ANGPT4: variants seen among roughly 807,000 people sequenced by gnomAD.
The protein encoded by ANGPT4 is angiopoietin-4.
A neutral mutation model predicts 53.0 loss-of-function variants in ANGPT4; 50 were observed. The ratio of observed to expected loss-of-function variants is 0.94; its 90% confidence interval spans 0.75 to 1.20. ANGPT4 has a LOEUF of 1.20. Ranked by LOEUF, ANGPT4 falls within the 50% of genes most tolerant of loss-of-function variation. The probability of loss-of-function intolerance (pLI) is 0.00; values close to 1 mark genes in which losing one functional copy is unlikely to be tolerated. For synonymous variants in ANGPT4, 251 were observed against 259.7 expected (o/e 0.97, Z 0.32); for missense variants, 648 against 637.1 (o/e 1.02, Z -0.18).
chr20:881,135 C>T, intron 5 of ANGPT4, 36 bp downstream of exon 5: 2 of 1,511,600 alleles, frequency 1.3e-6, no homozygotes, highest in Non-Finnish European at 1.8e-6. Context: ...GGCTCAGCAC[C>T]CTCTAACAGC....
At chr20:886,608 T>C (rs1981628975) in intron 3 of ANGPT4, among the ~76,000 whole-genome samples, 1 of 152,248 alleles carries the variant, frequency 6.6e-6, no homozygotes, top group Non-Finnish European at 1.5e-5. Flanking sequence ...CATCCTAGCT[T>C]AGCCTAGACC....
chr20:915,276 G>T (rs944535244), intron 1 of ANGPT4, among the ~76,000 whole-genome samples: 1 of 143,802 alleles, frequency 7.0e-6, no homozygotes, highest in South Asian at 2.2e-4. Context: ...AGACCTCCCC[G>T]CACCCTTGCT....
chr20:915,220 A>T (rs900474733), intron 1 of ANGPT4, among the ~76,000 whole-genome samples: 4 of 144,190 alleles, frequency 2.8e-5, no homozygotes, highest in Non-Finnish European at 5.9e-5. Context: ...AAGTCCTTCC[A>T]GTGGCCCCCC....
At chr20:893,986 T>A (rs1302637821) in intron 1 of ANGPT4, among the ~76,000 whole-genome samples, 1 of 151,898 alleles carries the variant, frequency 6.6e-6, no homozygotes, top group Non-Finnish European at 1.5e-5. Flanking sequence ...ATTCTTTTTT[T>A]TTTTTGCAGT....
chr20:914,179 A>G lies in ANGPT4; in HGVS notation c.309+1727T>C, dbSNP rs1340068984. On this transcript the variant is annotated intron_variant, in intron 1 of 8. Transcript: ENST00000381922. This position sits in a 1 kb window ranked among gnomAD's most constrained non-coding sequence, Gnocchi z 5.0. ...AGGCCCTGGGAACCCAGAAGTGAGC[A>G]AAAGAGACATGGCGCCTGCCCTCTG... Among the ~76,000 whole-genome samples, 1 of 152,190 alleles carries G rather than the reference A, an allele frequency of 6.6e-6. No homozygotes were observed. The highest frequency in any genetic ancestry group is 2.4e-5 in the African/African-American group (1 of 41,440).
At chr20:879,424 G>T (rs1981301815) in intron 6 of ANGPT4, among the ~76,000 whole-genome samples, 1 of 152,118 alleles carries the variant, frequency 6.6e-6, no homozygotes, top group Admixed American at 6.6e-5. Context: ...TTAAAGCAAC[G>T]CAGTCAGGGT....
In ANGPT4 at chr20:899,526, T is replaced by C. The variant is rs184081557; in HGVS notation, c.310-9158A>G. 7.9e-5 allele frequency among the ~76,000 whole-genome samples: 12 copies of C among 152,256 alleles called. No individual in the cohort carries two copies. In the East Asian group the frequency reaches 1.2e-3, roughly 15 times the overall value. On this transcript the variant is annotated intron_variant, in intron 1 of 8. Coordinates refer to ENST00000381922, the MANE Select transcript of ANGPT4 (RefSeq NM_015985.4). Reference sequence around the variant, plus strand: ...CCTCGGCCTCCCAAAGTGCTGGGATTACAGGCATGAACCACCGCCCCCGGC... The same window carrying C: ...CCTCGGCCTCCCAAAGTGCTGGGATCACAGGCATGAACCACCGCCCCCGGC...
At chr20:875,218 A>C (rs1472408455) in intron 7 of ANGPT4, among the ~76,000 whole-genome samples, 1 of 152,140 alleles carries the variant, frequency 6.6e-6, no homozygotes, top group African/African-American at 2.4e-5. Context: ...ATGCCAGCCT[A>C]GTGTGGCCTG....
At chr20:903,926 C>T (rs1189147742) in intron 1 of ANGPT4, among the ~76,000 whole-genome samples, 2 of 152,122 alleles carry the variant, frequency 1.3e-5, no homozygotes, top group Non-Finnish European at 2.9e-5. Flanking sequence ...CAGCTCCCAT[C>T]CCCTCCATTT....
intron 3 of ANGPT4, among the ~76,000 whole-genome samples, 183 bp downstream of exon 3, chr20:888,135 C>T (rs752207989): frequency 6.6e-6 from 1 of 152,166 alleles, no homozygotes; most frequent in African/African-American, 2.4e-5. Flanking sequence ...TACCTCCTTG[C>T]CCCAATCCTA....
intron 5 of ANGPT4, 25 bp from the exon 6 acceptor site, chr20:879,873 C>T: frequency 1.3e-6 from 2 of 1,592,116 alleles, no homozygotes; most frequent in Non-Finnish European, 1.7e-6. Flanking sequence ...CAAGGCACAG[C>T]TGGGAGCCCT....
At chr20:881,372 C>T in intron 4 of ANGPT4, 86 bp from the exon 5 acceptor site, 2 of 1,266,970 alleles carry the variant, frequency 1.6e-6, no homozygotes, top group Non-Finnish European at 2.3e-6. Context: ...TGCTTTGTGC[C>T]AGGTTCTGGG....
intron 3 of ANGPT4, among the ~76,000 whole-genome samples, chr20:887,581 G>A (rs1214134160): frequency 2.6e-5 from 4 of 151,044 alleles, no homozygotes; most frequent in Non-Finnish European, 4.4e-5. Flanking sequence ...TTGAAACTGA[G>A]GTGAAATCAG....
At chr20:905,264 C>A (rs544684564) in intron 1 of ANGPT4, among the ~76,000 whole-genome samples, 2 of 152,210 alleles carry the variant, frequency 1.3e-5, no homozygotes, top group East Asian at 1.9e-4. Context: ...AATTCCCCCA[C>A]GAGAAGAGCC....
rs927121483 is a variant in ANGPT4 at position 890,266 on chromosome 20, G to A, written c.412C>T (p.Leu138Phe). 2 of 1,614,026 alleles carry A rather than the reference G, an allele frequency of 1.2e-6. No homozygotes were observed. Among genetic ancestry groups the A allele is most frequent in the South Asian group, 1.1e-5 (1 of 91,080 alleles). The change falls in exon 2 of 9, where the codon CTC becomes TTC. Residue 138 changes from leucine (L) to phenylalanine (F), a missense_variant. Transcript: ENST00000381922. ...TAPMLELGTSLLNQTTAQIRK... is the reference protein window; with the variant it reads ...TAPMLELGTSFLNQTTAQIRK... The stretch of plus-strand genomic sequence containing the variant: ...ATCTGGGCAGTGGTCTGGTTCAGGA[G>A]GCTGGTGCCCAGCTCTAGCATGGGG...
Position 908,875 on chromosome 20 carries a change from C to T in ANGPT4, c.309+7031G>A, listed in dbSNP as rs1373262758. 6.6e-6 allele frequency among the ~76,000 whole-genome samples: 1 copy of T among 152,160 alleles called. No individual in the cohort carries two copies. Among genetic ancestry groups the T allele is most frequent in the African/African-American group, 2.4e-5 (1 of 41,424 alleles). On this transcript the variant is annotated intron_variant, in intron 1 of 8. Transcript: ENST00000381922. This position sits in a 1 kb window ranked among gnomAD's most constrained non-coding sequence, Gnocchi z 4.9. Reference sequence around the variant, plus strand: ...ATGACATTTATGGCATGCTATGTATCTTGTTGCCTCTGGAGAGGAGAAACA... The same window carrying T: ...ATGACATTTATGGCATGCTATGTATTTTGTTGCCTCTGGAGAGGAGAAACA...
chr20:911,540 C>G lies in ANGPT4; in HGVS notation c.309+4366G>C, dbSNP rs182326237. On this transcript the variant is annotated intron_variant, in intron 1 of 8. Coordinates refer to ENST00000381922, the MANE Select transcript of ANGPT4 (RefSeq NM_015985.4). The surrounding 1 kb of genome is among the most constrained non-coding windows in gnomAD (Gnocchi z 4.9). ...AGACAGGAAAAGATGCAGGGAGTCA[C>G]TTTGATAGCCAACCAGGAGAGAGAA... Among the ~76,000 whole-genome samples, 4 of 152,230 alleles carry G rather than the reference C, an allele frequency of 2.6e-5. No homozygotes were observed. The East Asian group carries it at 7.7e-4, about 29-fold the overall frequency.
chr20:882,983 T>A (rs1981471369), intron 4 of ANGPT4, among the ~76,000 whole-genome samples: 1 of 152,280 alleles, frequency 6.6e-6, no homozygotes, highest in African/African-American at 2.4e-5. Context: ...TCTGAATATC[T>A]GGGCTGGTAA....
intron 2 of ANGPT4, among the ~76,000 whole-genome samples, chr20:889,216 T>C (rs1981740843): frequency 1.4e-5 from 2 of 147,788 alleles, no homozygotes; most frequent in Non-Finnish European, 3.0e-5. Context: ...TTGCTCTCTC[T>C]TCCATGCTAT....
Sources: allele counts gnomAD v4.1 joint callset (sites outside exome capture counted in the v4.1 genomes callset), GRCh38; gene constraint gnomAD v4.1.1; non-coding constraint Gnocchi (gnomAD v3.1); transcripts MANE v1.5; gene names NCBI Gene and HGNC (gene_info 2026-07-23, HGNC 2026-07-21).